NRXN3: variants seen among roughly 807,000 people sequenced by gnomAD.
The protein encoded by NRXN3 is neurexin III.
Under a neutral mutation model 137.6 loss-of-function variants are expected in NRXN3, and 32 were observed. That is an observed-to-expected ratio of 0.23 (90% CI 0.18 to 0.31). The LOEUF is 0.31. NRXN3 is among the 10% of genes least tolerant of loss of function. The pLI, the probability that NRXN3 is intolerant of heterozygous loss-of-function variation, is 1.00. For synonymous variants in NRXN3, 798 were observed against 784.5 expected (o/e 1.02, Z -0.29); for missense variants, 1,574 against 2,062.5 (o/e 0.76, Z 4.59).
chr14:79,089,364 G>T (rs2048741322), intron 15 of NRXN3, among the ~76,000 whole-genome samples: 2 of 152,114 alleles, frequency 1.3e-5, no homozygotes, highest in Admixed American at 1.3e-4. Flanking sequence ...AAGGTTGTTT[G>T]CTTTGAGCTT....
chr14:78,636,746 A>G (rs1256602883), intron 4 of NRXN3, among the ~76,000 whole-genome samples: 3 of 152,240 alleles, frequency 2.0e-5, no homozygotes, highest in Non-Finnish European at 2.9e-5. Context: ...AAAGTAAAAT[A>G]TACAGTACAT....
At chr14:78,198,371 A>G (rs552930888) in intron 1 of NRXN3, among the ~76,000 whole-genome samples, 1 of 152,340 alleles carries the variant, frequency 6.6e-6, no homozygotes, top group African/African-American at 2.4e-5. Flanking sequence ...CTTGCAATTG[A>G]GAGCTTAAAA....
chr14:78,494,685 T>C (rs1047967483), intron 4 of NRXN3, among the ~76,000 whole-genome samples: 1 of 152,166 alleles, frequency 6.6e-6, no homozygotes, highest in Middle Eastern at 3.2e-3. Flanking sequence ...CCTGCCCTGA[T>C]TCAGATAGAG....
chr14:78,269,872 G>A (rs1027691019), intron 2 of NRXN3, among the ~76,000 whole-genome samples: 6 of 152,214 alleles, frequency 3.9e-5, no homozygotes, highest in African/African-American at 1.4e-4. Context: ...TTTCCAGAGA[G>A]TAGGGAATTC....
At chr14:79,343,916 G>A (rs570187141) in intron 15 of NRXN3, among the ~76,000 whole-genome samples, 1 of 152,190 alleles carries the variant, frequency 6.6e-6, no homozygotes, top group South Asian at 2.1e-4. Flanking sequence ...TGGGATTACA[G>A]GTGTGAGCCA....
intron 15 of NRXN3, among the ~76,000 whole-genome samples, chr14:79,335,961 C>G (rs976492671): frequency 1.3e-5 from 2 of 152,140 alleles, no homozygotes; most frequent in Admixed American, 1.3e-4. Context: ...TTTTTTAGGG[C>G]AAATATCATA....
At chr14:78,371,069 G>C (rs1050391828) in intron 4 of NRXN3, among the ~76,000 whole-genome samples, 1 of 152,114 alleles carries the variant, frequency 6.6e-6, no homozygotes, top group Non-Finnish European at 1.5e-5. Context: ...GGGTAGAAGA[G>C]GACAGTTCCC....
chr14:79,310,320 G>A (rs1315458690), intron 15 of NRXN3, among the ~76,000 whole-genome samples: 1 of 108,040 alleles, frequency 9.3e-6, no homozygotes, highest in Admixed American at 1.0e-4. Flanking sequence ...GTACCATGCT[G>A]TTTTGGTTAC....
chr14:78,601,690 G>A (rs1309288603), intron 4 of NRXN3, among the ~76,000 whole-genome samples: 5 of 152,050 alleles, frequency 3.3e-5, no homozygotes, highest in Non-Finnish European at 5.9e-5. Context: ...TCCTGACCTC[G>A]TGATCCACCC....
intron 15 of NRXN3, among the ~76,000 whole-genome samples, chr14:79,076,304 A>C (rs1019030169): frequency 2.0e-5 from 3 of 152,188 alleles, no homozygotes; most frequent in African/African-American, 7.2e-5. Flanking sequence ...AGCAGCTCAA[A>C]AATCAACAAG....
At chr14:79,360,223 G>A (rs558090955) in intron 15 of NRXN3, among the ~76,000 whole-genome samples, 1 of 152,198 alleles carries the variant, frequency 6.6e-6, no homozygotes, top group South Asian at 2.1e-4. Context: ...TTTCCCCTTT[G>A]CCCTAGTTGA....
chr14:78,632,113 CA>C (rs58767974), intron 4 of NRXN3, among the ~76,000 whole-genome samples: 1,337 of 75,026 alleles, frequency 0.018, 13 homozygotes, highest in African/African-American at 0.053. Context: ...GACTCCGTCT[CA>C]AAAAAAAAAA....
chr14:79,374,128 AT>A (rs35255517), intron 15 of NRXN3, among the ~76,000 whole-genome samples: 3 of 152,162 alleles, frequency 2.0e-5, no homozygotes, highest in Non-Finnish European at 4.4e-5. Flanking sequence ...AGTAAAGTGA[AT>A]TTTTTTGTTT....
chr14:79,255,615 T>G (rs2076472038), intron 15 of NRXN3, among the ~76,000 whole-genome samples: 2 of 152,266 alleles, frequency 1.3e-5, no homozygotes, highest in South Asian at 4.1e-4. Context: ...CAGAATGTTC[T>G]AAAAATTAAT....
intron 16 of NRXN3, among the ~76,000 whole-genome samples, chr14:79,473,193 C>T (rs534035894): frequency 7.4e-4 from 112 of 152,150 alleles, no homozygotes; most frequent in African/African-American, 2.6e-3. Context: ...CCCCATTTCA[C>T]GGTGGCAAAG....
At chr14:78,805,483 C>T (rs2098858677) in intron 9 of NRXN3, among the ~76,000 whole-genome samples, 1 of 151,868 alleles carries the variant, frequency 6.6e-6, no homozygotes, top group African/African-American at 2.4e-5. Context: ...GACTGGCATA[C>T]CCCTGACCCT....
At chr14:79,149,890 G>A (rs2059645690) in intron 15 of NRXN3, among the ~76,000 whole-genome samples, 1 of 152,006 alleles carries the variant, frequency 6.6e-6, no homozygotes, top group African/African-American at 2.4e-5. Flanking sequence ...AGGAAAAATA[G>A]CTAATGCATG....
chr14:79,447,591 G>C (rs2096084294), intron 15 of NRXN3, among the ~76,000 whole-genome samples: 1 of 152,316 alleles, frequency 6.6e-6, no homozygotes, highest in African/African-American at 2.4e-5. Context: ...GGAAGGACCT[G>C]CCAACATCCT....
At chr14:79,168,231 T>C (rs1314982306) in intron 15 of NRXN3, among the ~76,000 whole-genome samples, 1 of 151,988 alleles carries the variant, frequency 6.6e-6, no homozygotes, top group Non-Finnish European at 1.5e-5. Context: ...TAATACAGGA[T>C]GGAATTAGCA....
Sources: allele counts gnomAD v4.1 joint callset (sites outside exome capture counted in the v4.1 genomes callset), GRCh38; gene constraint gnomAD v4.1.1; transcripts MANE v1.5; gene names NCBI Gene and HGNC (gene_info 2026-07-23, HGNC 2026-07-21).